Variants in FOXP1 observed in about 807,000 individuals in gnomAD.
FOXP1 encodes the protein forkhead box P1, also known as forkhead box protein P1.
FOXP1 carries 15 observed loss-of-function variants against 98.2 expected under a neutral mutation model. The ratio of observed to expected loss-of-function variants is 0.15; its 90% CI spans 0.10 to 0.24. FOXP1 has a LOEUF of 0.24. Ranked by LOEUF, FOXP1 falls within the 10% of genes least tolerant of loss-of-function variation. The pLI is 1.00. For synonymous variants in FOXP1, 371 were observed against 314.5 expected (o/e 1.18, Z -1.90); for missense variants, 633 against 848.5 (o/e 0.75, Z 3.15).
intron 4 of FOXP1, among the ~76,000 whole-genome samples, chr3:71,336,770 GATATT>G (rs2076710147): frequency 6.6e-6 from 1 of 152,294 alleles, no homozygotes; most frequent in South Asian, 2.1e-4. Context: ...AAGACAATAA[GATATT>G]ATATCCCTCA....
At chr3:71,281,039 C>CA (rs55640213) in intron 5 of FOXP1, among the ~76,000 whole-genome samples, 1,294 of 83,510 alleles carry the variant, frequency 0.015, 19 homozygotes, top group Admixed American at 0.027. Flanking sequence ...CCCTTCTCTA[C>CA]AAAAAAAAAA....
chr3:71,076,407 T>G (rs2053814658), intron 7 of FOXP1, among the ~76,000 whole-genome samples: 2 of 152,198 alleles, frequency 1.3e-5, no homozygotes. Flanking sequence ...GGCTCCTACC[T>G]TGGCCTCAGG....
chr3:71,417,221 G>A (rs561243761), intron 3 of FOXP1, among the ~76,000 whole-genome samples: 8 of 152,246 alleles, frequency 5.3e-5, no homozygotes, highest in South Asian at 4.1e-4. Context: ...GAGCCCAGTC[G>A]TCCACACGAT....
chr3:71,016,554 C>T (rs78709094), intron 11 of FOXP1, among the ~76,000 whole-genome samples: 156 of 152,056 alleles, frequency 1.0e-3, no homozygotes, highest in African/African-American at 3.6e-3. Flanking sequence ...AGTTCTGTTT[C>T]GTACTCAAGT....
At chr3:71,508,937 G>T (rs1026194172) in intron 2 of FOXP1, among the ~76,000 whole-genome samples, 3 of 152,118 alleles carry the variant, frequency 2.0e-5, no homozygotes, top group African/African-American at 7.2e-5. Flanking sequence ...TTGTGGTGAG[G>T]ACAAAAGGGG....
intron 11 of FOXP1, among the ~76,000 whole-genome samples, chr3:71,019,529 C>T (rs546534289): frequency 4.6e-5 from 7 of 152,196 alleles, no homozygotes; most frequent in South Asian, 4.2e-4. Context: ...TCAGTACCTC[C>T]GACAGAACAT....
At chr3:71,094,835 G>A (rs1041203591) in intron 7 of FOXP1, among the ~76,000 whole-genome samples, 1 of 152,194 alleles carries the variant, frequency 6.6e-6, no homozygotes, top group African/African-American at 2.4e-5. Context: ...GGCAGCTCCA[G>A]CTGTGGTCAC....
chr3:71,262,895 G>A (rs986821651), intron 5 of FOXP1, among the ~76,000 whole-genome samples: 12 of 152,172 alleles, frequency 7.9e-5, no homozygotes, highest in Non-Finnish European at 1.5e-4. Flanking sequence ...CGTTGCAAAG[G>A]TGCTCCACTA....
intron 3 of FOXP1, among the ~76,000 whole-genome samples, chr3:71,442,301 C>T (rs776257894): frequency 1.3e-5 from 2 of 151,566 alleles, no homozygotes; most frequent in African/African-American, 2.4e-5. Flanking sequence ...ACTAAGGACA[C>T]GTCTTTGTAT....
At chr3:71,190,785 T>A (rs1031845925) in intron 6 of FOXP1, among the ~76,000 whole-genome samples, 46 of 152,154 alleles carry the variant, frequency 3.0e-4, no homozygotes, top group Admixed American at 1.0e-3. Flanking sequence ...AAACTCTTCA[T>A]GACATTTTCT....
chr3:71,438,955 G>A (rs1182180530), intron 3 of FOXP1, among the ~76,000 whole-genome samples: 4 of 151,634 alleles, frequency 2.6e-5, no homozygotes, highest in East Asian at 1.9e-4. Flanking sequence ...GGAGCTCTTC[G>A]GAGGCAAGGA....
chr3:71,477,171 C>CA (rs2089922607), intron 3 of FOXP1, among the ~76,000 whole-genome samples: 1 of 152,172 alleles, frequency 6.6e-6, no homozygotes, highest in Non-Finnish European at 1.5e-5. Context: ...CAGCGCCCCC[C>CA]AGAAGATCCA....
intron 14 of FOXP1, among the ~76,000 whole-genome samples, chr3:70,980,650 T>C (rs2038672569): frequency 6.6e-6 from 1 of 152,264 alleles, no homozygotes; most frequent in South Asian, 2.1e-4. Context: ...TTCATTTTTC[T>C]GTATGCTCAT....
chr3:71,391,711 T>A (rs1220004374), intron 3 of FOXP1, among the ~76,000 whole-genome samples: 3 of 152,172 alleles, frequency 2.0e-5, no homozygotes. Context: ...TGATGAAAAA[T>A]TCAACATTTT....
chr3:71,481,977 A>G (rs1027298691), intron 3 of FOXP1, among the ~76,000 whole-genome samples: 7 of 152,142 alleles, frequency 4.6e-5, no homozygotes, highest in African/African-American at 1.4e-4. Context: ...TTTACGACAC[A>G]AAAGATTTAA....
chr3:70,956,936 A>C lies in FOXP1; in HGVS notation c.*2311T>G, dbSNP rs1394182844. On this transcript the variant is annotated 3_prime_UTR_variant, in exon 21 of 21. Coordinates refer to ENST00000649528, the MANE Select transcript of FOXP1 (RefSeq NM_001349338.3). ...AAAGCCTAATCGGAAAAAAAGGAAA[A>C]ATTAAAAATAAAAACAAACTGAAGG... 1 of 216,200 alleles carries C rather than the reference A, an allele frequency of 4.6e-6. No homozygotes were observed. Among genetic ancestry groups the C allele is most frequent in the African/African-American group, 2.3e-5 (1 of 44,396 alleles). 13.4% of individuals were successfully genotyped at this position (216,200 alleles called of 1,614,324 possible).
At chr3:71,360,543 C>A (rs2078486913) in intron 3 of FOXP1, 1 of 152,106 alleles carries the variant, frequency 6.6e-6, no homozygotes, top group Non-Finnish European at 1.5e-5. Flanking sequence ...CAAGCACTTT[C>A]AGAAAGTTTT....
At chr3:71,276,745 G>A (rs990215600) in intron 5 of FOXP1, among the ~76,000 whole-genome samples, 4 of 151,994 alleles carry the variant, frequency 2.6e-5, no homozygotes, top group African/African-American at 9.7e-5. Context: ...GAATCATTTC[G>A]GGGTGTTAGG....
At chr3:71,090,510 T>G (rs540185116) in intron 7 of FOXP1, among the ~76,000 whole-genome samples, 2 of 152,158 alleles carry the variant, frequency 1.3e-5, no homozygotes, top group Non-Finnish European at 2.9e-5. Context: ...CTAGAAGGCT[T>G]GATGAAAAGA....
Sources: allele counts gnomAD v4.1 joint callset (sites outside exome capture counted in the v4.1 genomes callset), GRCh38; gene constraint gnomAD v4.1.1; transcripts MANE v1.5; gene names NCBI Gene and HGNC (gene_info 2026-07-23, HGNC 2026-07-21).